The following TEX11 variants were observed in gnomAD, a reference collection of about 807,000 sequenced individuals.
TEX11 encodes the protein testis-expressed protein 11.
A neutral mutation model predicts 84.4 loss-of-function variants in TEX11; 7 were observed. The observed-to-expected ratio is 0.08, with a 90% CI of 0.05 to 0.16. The LOEUF is 0.16. Ranked by LOEUF, TEX11 falls within the 10% of genes least tolerant of loss-of-function variation. The pLI is 1.00. For missense variants in TEX11, 551 were observed against 660.5 expected (o/e 0.83, Z 1.82); for synonymous variants, 264 against 222.8 (o/e 1.18, Z -1.64).
At chrX:70,569,566 A>G (rs7879449) in intron 25 of TEX11, among the ~76,000 whole-genome samples, 9,142 of 110,534 alleles carry the variant, frequency 0.083, 850 homozygotes, top group African/African-American at 0.26. Context: ...GATGATGGTG[A>G]TGTACAGATG....
chrX:70,614,335 G>A (rs1180238093), intron 20 of TEX11, among the ~76,000 whole-genome samples: 4 of 110,987 alleles, frequency 3.6e-5, no homozygotes, highest in Non-Finnish European at 7.6e-5. Flanking sequence ...GTGAAATAAG[G>A]CCTGGCAGCA....
chrX:70,728,672 G>C (rs1025306191), intron 11 of TEX11, among the ~76,000 whole-genome samples: 1 of 108,172 alleles, frequency 9.2e-6, no homozygotes, highest in African/African-American at 3.4e-5. Flanking sequence ...TGGGAAGCTC[G>C]AACTGGGTGG....
At chrX:70,824,032 T>TAATA (rs1269771150) in intron 8 of TEX11, among the ~76,000 whole-genome samples, 1 of 111,229 alleles carries the variant, frequency 9.0e-6, no homozygotes, top group Admixed American at 9.6e-5. Flanking sequence ...AAAATAAAAA[T>TAATA]AATAAATAAA....
At chrX:70,753,214 G>A (rs980008333) in intron 9 of TEX11, among the ~76,000 whole-genome samples, 3 of 95,591 alleles carry the variant, frequency 3.1e-5, no homozygotes, top group Admixed American at 1.2e-4. Context: ...GGTGGGCGGC[G>A]AGGGGGGCGG....
At chrX:70,770,895 G>A (rs189528608) in intron 9 of TEX11, among the ~76,000 whole-genome samples, 31 of 110,254 alleles carry the variant, frequency 2.8e-4, no homozygotes, top group African/African-American at 9.6e-4. Context: ...GAGATATTCC[G>A]TCAAGAAAAA....
chrX:70,867,654 T>C (rs1368154540), intron 4 of TEX11, among the ~76,000 whole-genome samples: 1 of 111,072 alleles, frequency 9.0e-6, no homozygotes, highest in Admixed American at 9.6e-5. Flanking sequence ...CAAAACAGCA[T>C]GATACTGGTA....
chrX:70,881,403 T>G, intron 2 of TEX11, among the ~76,000 whole-genome samples: 1 of 110,612 alleles, frequency 9.0e-6, no homozygotes, highest in Non-Finnish European at 1.9e-5. Context: ...ATTATCAAAA[T>G]TGAGGTTTTT....
intron 25 of TEX11, among the ~76,000 whole-genome samples, chrX:70,573,891 G>A (rs943549257): frequency 9.0e-6 from 1 of 111,024 alleles, no homozygotes; most frequent in Non-Finnish European, 1.9e-5. Flanking sequence ...ATTTATGCTG[G>A]CAGAACATCC....
At chrX:70,594,296 A>G (rs777335890) in intron 24 of TEX11, among the ~76,000 whole-genome samples, 1 of 111,587 alleles carries the variant, frequency 9.0e-6, no homozygotes, top group Admixed American at 9.6e-5. Flanking sequence ...TGAAATAAAG[A>G]TGTCCCTGGA....
At chrX:70,797,735 A>G (rs2091163863) in intron 9 of TEX11, among the ~76,000 whole-genome samples, 1 of 106,625 alleles carries the variant, frequency 9.4e-6, no homozygotes, top group Non-Finnish European at 1.9e-5. Context: ...CCATTTGAAC[A>G]GAATAAAGGA....
At chrX:70,759,503 C>G (rs1434258125) in intron 9 of TEX11, among the ~76,000 whole-genome samples, 1 of 111,797 alleles carries the variant, frequency 8.9e-6, no homozygotes, top group African/African-American at 3.3e-5. Flanking sequence ...ACAGAACCAA[C>G]AACAAAAACC....
At chrX:70,607,253 A>T (rs1368044951) in intron 22 of TEX11, among the ~76,000 whole-genome samples, 2 of 111,258 alleles carry the variant, frequency 1.8e-5, no homozygotes, top group Non-Finnish European at 3.8e-5. Context: ...TGACCAAGGG[A>T]GGTACTGCTG....
chrX:70,616,766 G>T (rs1313133732), intron 20 of TEX11, among the ~76,000 whole-genome samples: 1 of 111,744 alleles, frequency 8.9e-6, no homozygotes, highest in African/African-American at 3.3e-5. Flanking sequence ...AATGAAATAA[G>T]CCAGGCACAG....
chrX:70,738,880 A>G (rs1229714681), intron 11 of TEX11, among the ~76,000 whole-genome samples: 1 of 111,152 alleles, frequency 9.0e-6, no homozygotes, highest in Non-Finnish European at 1.9e-5. Flanking sequence ...GTTCTCACTC[A>G]TAAGTGGGAG....
At chrX:70,571,819 T>C (rs1431694680) in intron 25 of TEX11, among the ~76,000 whole-genome samples, 1 of 111,711 alleles carries the variant, frequency 9.0e-6, no homozygotes, top group Non-Finnish European at 1.9e-5. Flanking sequence ...GTGATATATA[T>C]ATATAATCAG....
intron 17 of TEX11, among the ~76,000 whole-genome samples, chrX:70,632,064 C>T (rs780018698): frequency 2.1e-5 from 2 of 96,278 alleles, no homozygotes; most frequent in South Asian, 1.1e-3. Flanking sequence ...CAATGCTTGG[C>T]TTCTAAATTA....
intron 16 of TEX11, among the ~76,000 whole-genome samples, chrX:70,669,785 A>G (rs1264865407): frequency 8.9e-6 from 1 of 112,747 alleles, no homozygotes; most frequent in Non-Finnish European, 1.9e-5. Flanking sequence ...CTAAGAGCCA[A>G]TACCCCTCAT....
intron 9 of TEX11, among the ~76,000 whole-genome samples, chrX:70,758,130 C>G (rs1222003944): frequency 9.0e-6 from 1 of 111,698 alleles, no homozygotes; most frequent in African/African-American, 3.3e-5. Flanking sequence ...AAAGCAAGTC[C>G]TTAGAGACCT....
chrX:70,602,077 C>T (rs1336163871), intron 24 of TEX11, among the ~76,000 whole-genome samples: 7 of 111,426 alleles, frequency 6.3e-5, no homozygotes, highest in South Asian at 3.8e-4. Context: ...GGGTCCTGGC[C>T]GGGCAGAGGG....
Sources: gnomAD v4.1 joint callset for allele counts (sites outside exome capture counted in the v4.1 genomes callset) on GRCh38, gnomAD v4.1.1 for gene constraint, MANE v1.5 for transcripts, NCBI Gene and HGNC (gene_info 2026-07-23, HGNC 2026-07-21) for gene names.